Variants in N4BP2L2 observed in about 807,000 individuals in gnomAD.
N4BP2L2 encodes NEDD4 binding protein 2 like 2.
A neutral mutation model predicts 56.2 loss-of-function variants in N4BP2L2; 50 were observed. The ratio of observed to expected loss-of-function variants is 0.89; its 90% CI spans 0.71 to 1.13. The LOEUF (loss-of-function observed/expected upper bound fraction) is 1.13, where lower values mean the gene tolerates loss of function less well. Ranked by LOEUF, N4BP2L2 falls within the 50% of genes most tolerant of loss-of-function variation. The pLI, the probability that N4BP2L2 is intolerant of heterozygous loss-of-function variation, is 0.00. For missense variants in N4BP2L2, 689 were observed against 693.8 expected (o/e 0.99, Z 0.08); for synonymous variants, 203 against 223.6 (o/e 0.91, Z 0.82).
chr13:32,520,263 A>C (rs944995577), intron 5 of N4BP2L2, among the ~76,000 whole-genome samples: 2 of 152,182 alleles, frequency 1.3e-5, no homozygotes, highest in African/African-American at 4.8e-5. Context: ...TATGCAATTA[A>C]ATAGGTGAAT....
exon 7 of N4BP2L2, chr13:32,444,103 C>A: frequency 6.5e-7 from 1 of 1,528,972 alleles, no homozygotes. Context: ...GAGCCTATGC[C>A]CAGTTTTCTT....
chr13:32,457,694 A>C (rs1435384393), intron 6 of N4BP2L2, among the ~76,000 whole-genome samples: 2 of 152,368 alleles, frequency 1.3e-5, no homozygotes, highest in East Asian at 1.9e-4. Context: ...GCAATTCATC[A>C]CGACTAGACT....
At chr13:32,537,228 C>T (rs2056772968) in intron 1 of N4BP2L2, among the ~76,000 whole-genome samples, 1 of 151,586 alleles carries the variant, frequency 6.6e-6, no homozygotes, top group Non-Finnish European at 1.5e-5. Flanking sequence ...GGAGGGATCT[C>T]GTTGAATATC....
intron 6 of N4BP2L2, among the ~76,000 whole-genome samples, chr13:32,497,085 G>C (rs976903676): frequency 2.0e-5 from 3 of 152,166 alleles, no homozygotes; most frequent in African/African-American, 7.2e-5. Context: ...TCAAGAAAAA[G>C]AGGGGTTTCA....
downstream of N4BP2L2, chr13:32,510,172 A>G (rs2091545803): frequency 6.6e-6 from 1 of 152,132 alleles, no homozygotes; most frequent in South Asian, 2.1e-4. Context: ...TACTACTAAC[A>G]TACTTACGTA....
chr13:32,438,334 A>G (rs1272902680), intron 8 of N4BP2L2, among the ~76,000 whole-genome samples: 1 of 152,210 alleles, frequency 6.6e-6, no homozygotes, highest in Non-Finnish European at 1.5e-5. Flanking sequence ...TAAGCCAGAC[A>G]CAGAAAAATA....
At chr13:32,512,020 AAATT>A (rs1231473240) in exon 6 of N4BP2L2, 1 of 152,144 alleles carries the variant, frequency 6.6e-6, no homozygotes, top group African/African-American at 2.4e-5. Flanking sequence ...TACCAACTGA[AAATT>A]AACACCAAGA....
chr13:32,504,775 CCT>C (rs1352437111), intron 6 of N4BP2L2: 1 of 152,124 alleles, frequency 6.6e-6, no homozygotes, highest in African/African-American at 2.4e-5. Flanking sequence ...AAGGTTTCAC[CCT>C]GAGGCAAAAT....
At chr13:32,477,132 C>T in intron 6 of N4BP2L2, 1 of 607,062 alleles carries the variant, frequency 1.6e-6, no homozygotes, top group South Asian at 1.5e-5. Flanking sequence ...CAATAGTACT[C>T]TTGCCACTAT....
intron 7 of N4BP2L2, among the ~76,000 whole-genome samples, chr13:32,440,527 C>T (rs899872677): frequency 7.3e-5 from 11 of 151,396 alleles, no homozygotes; most frequent in South Asian, 4.2e-4. Context: ...AGTGCAGTGG[C>T]GCGATCTCAG....
chr13:32,492,367 C>A (rs2087356392), intron 6 of N4BP2L2, among the ~76,000 whole-genome samples: 1 of 145,914 alleles, frequency 6.9e-6, no homozygotes, highest in Admixed American at 7.0e-5. Context: ...ACTGCAAGAC[C>A]CGCCTCCCGG....
Position 32,480,746 on chromosome 13 carries a change from G to C in N4BP2L2, c.366-36620C>G, listed in dbSNP as rs373185510. On this transcript the variant is annotated intron_variant, in intron 6 of 9. Transcript: ENST00000357505. ...GTGCTACTACTATTTTCATTTTATA[G>C]ACTGAAGAACTCATAGAGTGTGATT... 8 of 553,868 alleles carry C rather than the reference G, an allele frequency of 1.4e-5. No individual in the cohort carries two copies. The African/African-American group carries it at 1.6e-4, about 11-fold the overall frequency. The allele number at this position is 553,868 out of a possible 1,614,324, so 34.3% of individuals were successfully genotyped here. A position where few individuals can be genotyped will look rare whatever the true frequency, so the allele number is the denominator to read the frequency against.
At chr13:32,491,016 ACT>A (rs2086953912) in intron 6 of N4BP2L2, among the ~76,000 whole-genome samples, 1 of 148,286 alleles carries the variant, frequency 6.7e-6, no homozygotes, top group Non-Finnish European at 1.5e-5. Context: ...AAAAAAAAAT[ACT>A]TTTTTCAGGA....
chr13:32,517,786 G>A, exon 6 of N4BP2L2: 1 of 1,611,476 alleles, frequency 6.2e-7, no homozygotes, highest in Non-Finnish European at 8.5e-7. Context: ...AAATGTGTTA[G>A]CTGAAAATAG....
chr13:32,443,801 C>T (rs749500670), exon 7 of N4BP2L2: 2 of 1,584,272 alleles, frequency 1.3e-6, no homozygotes, highest in Admixed American at 3.7e-5. Context: ...GGTGTGTTGT[C>T]TAATTCAACT....
chr13:32,514,496 T>C (rs893187010), exon 6 of N4BP2L2: 1 of 152,186 alleles, frequency 6.6e-6, no homozygotes, highest in Non-Finnish European at 1.5e-5. Context: ...ATGGTTAGAA[T>C]AGGGCATAGC....
intron 6 of N4BP2L2, among the ~76,000 whole-genome samples, chr13:32,475,387 C>T (rs2083117434): frequency 6.6e-6 from 1 of 152,126 alleles, no homozygotes; most frequent in South Asian, 2.1e-4. Flanking sequence ...GCAGAGAAAG[C>T]AGGTCATCCA....
At chr13:32,512,929 G>C (rs1424193302) in exon 6 of N4BP2L2, 1 of 152,174 alleles carries the variant, frequency 6.6e-6, no homozygotes, top group Non-Finnish European at 1.5e-5. Context: ...CTACTCAGGA[G>C]GCTGAGGCAG....
chr13:32,465,536 C>A (rs1292791233), intron 6 of N4BP2L2, among the ~76,000 whole-genome samples: 1 of 150,052 alleles, frequency 6.7e-6, no homozygotes, highest in African/African-American at 2.5e-5. Flanking sequence ...ATACACACAG[C>A]CACAAAAAGA....
Sources: allele counts gnomAD v4.1 joint callset (sites outside exome capture counted in the v4.1 genomes callset), GRCh38; gene constraint gnomAD v4.1.1; transcripts MANE v1.5; gene names NCBI Gene and HGNC (gene_info 2026-07-23, HGNC 2026-07-21).